The following CAMK4 variants were observed in gnomAD, a reference collection of about 807,000 sequenced individuals.
The protein encoded by CAMK4 is calcium/calmodulin-dependent protein kinase type IV.
A neutral mutation model predicts 44.9 loss-of-function variants in CAMK4; 22 were observed. The ratio of observed to expected loss-of-function variants is 0.49; its 90% CI spans 0.35 to 0.70. The LOEUF is 0.70. Ranked by LOEUF, CAMK4 falls within the 30% of genes least tolerant of loss-of-function variation. The pLI, the probability that CAMK4 is intolerant of heterozygous loss-of-function variation, is 0.01. For synonymous variants in CAMK4, 218 were observed against 215.4 expected (o/e 1.01, Z -0.11); for missense variants, 498 against 586.8 (o/e 0.85, Z 1.56).
intron 2 of CAMK4, among the ~76,000 whole-genome samples, chr5:111,360,053 C>CA (rs547881609): frequency 6.4e-4 from 98 of 152,012 alleles, no homozygotes; most frequent in Non-Finnish European, 1.1e-3. Context: ...CTTACATCTG[C>CA]AAAAAAATGT....
chr5:111,429,777 CAAAA>C (rs70973607), intron 5 of CAMK4, among the ~76,000 whole-genome samples: 208 of 26,268 alleles, frequency 7.9e-3, no homozygotes, highest in South Asian at 0.026. Flanking sequence ...GACCTCATCT[CAAAA>C]AAAAAAAAAA....
At chr5:111,345,569 G>A (rs1749830977) in intron 2 of CAMK4, among the ~76,000 whole-genome samples, 1 of 151,926 alleles carries the variant, frequency 6.6e-6, no homozygotes, top group Admixed American at 6.6e-5. Flanking sequence ...TTAAAAAACT[G>A]TCAGTAAAAT....
chr5:111,477,686 A>G (rs540117479), intron 8 of CAMK4, among the ~76,000 whole-genome samples: 2 of 152,324 alleles, frequency 1.3e-5, no homozygotes, highest in African/African-American at 4.8e-5. Flanking sequence ...AAAATGATAC[A>G]AAGAATGAGG....
chr5:111,236,224 T>C lies in CAMK4; in HGVS notation c.161+11580T>C, dbSNP rs191250064. Reference sequence around the variant, plus strand: ...GGAGATAATGACTCCCACTTGTGTATTGATAGGATAAATACCTTACTTAGT... The same window carrying C: ...GGAGATAATGACTCCCACTTGTGTACTGATAGGATAAATACCTTACTTAGT... On this transcript the variant is annotated intron_variant, in intron 1 of 10. Transcript: ENST00000282356. 3.1e-3 allele frequency among the ~76,000 whole-genome samples: 468 copies of C among 152,348 alleles called. 2 individuals are homozygous for C. The highest frequency in any genetic ancestry group is 0.011 in the African/African-American group (452 of 41,580).
chr5:111,266,648 A>G (rs1750258341), intron 1 of CAMK4, among the ~76,000 whole-genome samples: 1 of 152,202 alleles, frequency 6.6e-6, no homozygotes, highest in African/African-American at 2.4e-5. Context: ...ATAGACATGC[A>G]TACCCCAGAT....
intron 5 of CAMK4, among the ~76,000 whole-genome samples, chr5:111,428,371 T>C (rs1160986130): frequency 6.6e-6 from 1 of 152,146 alleles, no homozygotes; most frequent in Non-Finnish European, 1.5e-5. Flanking sequence ...AAACATGATC[T>C]TACCAAATGA....
intron 2 of CAMK4, among the ~76,000 whole-genome samples, chr5:111,366,675 C>A (rs1475435122): frequency 2.0e-5 from 3 of 152,104 alleles, no homozygotes; most frequent in Admixed American, 2.0e-4. Flanking sequence ...TCATCAATCC[C>A]ATTCCAGTGA....
intron 1 of CAMK4, among the ~76,000 whole-genome samples, chr5:111,332,849 A>C (rs1169722257): frequency 6.6e-6 from 1 of 151,644 alleles, no homozygotes; most frequent in Non-Finnish European, 1.5e-5. Context: ...GGAAAAACTT[A>C]GAAGAAAGAA....
intron 1 of CAMK4, among the ~76,000 whole-genome samples, chr5:111,339,707 G>A (rs1262030546): frequency 6.6e-6 from 1 of 151,094 alleles, no homozygotes; most frequent in Non-Finnish European, 1.5e-5. Context: ...TTGACTATTT[G>A]GGGTCTTTTG....
chr5:111,224,045 G>A (rs548182463), upstream of CAMK4: 140 of 161,758 alleles, frequency 8.7e-4, no homozygotes, highest in African/African-American at 3.2e-3. This position sits in a 1 kb window ranked among gnomAD's most constrained non-coding sequence, Gnocchi z 5.7. Context: ...GTCCCCGCGG[G>A]AGGGCGCGTG....
rs561502703 is a variant in CAMK4 at position 111,229,208 on chromosome 5, G to A, written c.161+4564G>A. On this transcript the variant is annotated intron_variant, in intron 1 of 10. Transcript: ENST00000282356. ...TAAATATGCATTTCTCACAGCTCTG[G>A]AGGCTAGGAAGTCCAAGATCAGGGT... Among the ~76,000 whole-genome samples the A allele has an allele frequency of 2.0e-4, 30 of 152,274 alleles. 1 individual carries two copies. The South Asian group carries it at 4.6e-3, about 23-fold the overall frequency.
intron 5 of CAMK4, among the ~76,000 whole-genome samples, chr5:111,436,297 A>G (rs1753643534): frequency 1.3e-5 from 2 of 152,192 alleles, no homozygotes; most frequent in Non-Finnish European, 2.9e-5. Context: ...ATAAATTTCT[A>G]ATCCAATGAA....
chr5:111,396,802 G>A (rs1403941842), intron 5 of CAMK4, among the ~76,000 whole-genome samples: 1 of 151,590 alleles, frequency 6.6e-6, no homozygotes. Context: ...TACCACGCCT[G>A]GCTAATTTTT....
intron 4 of CAMK4, among the ~76,000 whole-genome samples, chr5:111,383,639 G>A (rs1042949352): frequency 3.4e-5 from 3 of 89,340 alleles, no homozygotes; most frequent in Non-Finnish European, 7.0e-5. Flanking sequence ...TTTTTTTTTT[G>A]TATTTTTAGT....
intron 5 of CAMK4, among the ~76,000 whole-genome samples, chr5:111,437,211 G>T (rs562085618): frequency 2.0e-5 from 3 of 152,308 alleles, no homozygotes; most frequent in African/African-American, 7.2e-5. Flanking sequence ...AAGTGGCATT[G>T]CTGTGGACAT....
In CAMK4 at chr5:111,345,854, C is replaced by T. The variant is rs546475261; in HGVS notation, c.240+1752C>T. ...TCTTCTCGCTGTTGTGAAAACATCTCCCTCAGAAGACAGGCAGGAAGAGCA... is the reference window on the plus strand; with the variant it reads ...TCTTCTCGCTGTTGTGAAAACATCTTCCTCAGAAGACAGGCAGGAAGAGCA... On this transcript the variant is annotated intron_variant, in intron 2 of 10. Transcript: ENST00000282356. Among the ~76,000 whole-genome samples, 7 of 151,900 alleles carry T rather than the reference C, an allele frequency of 4.6e-5. No homozygotes were observed. The South Asian group carries it at 1.0e-3, about 23-fold the overall frequency.
chr5:111,379,803 T>A (rs893545814), intron 4 of CAMK4, among the ~76,000 whole-genome samples: 1 of 152,104 alleles, frequency 6.6e-6, no homozygotes, highest in Non-Finnish European at 1.5e-5. Flanking sequence ...TCAAAAAGGT[T>A]GTATTTAATT....
chr5:111,473,687 C>G (rs1280630074), intron 8 of CAMK4, among the ~76,000 whole-genome samples: 1 of 152,126 alleles, frequency 6.6e-6, no homozygotes, highest in Non-Finnish European at 1.5e-5. Flanking sequence ...GAGCCCAAGA[C>G]CAGCTGTGTA....
At chr5:111,388,414 C>T (rs949999143) in intron 4 of CAMK4, among the ~76,000 whole-genome samples, 2 of 152,176 alleles carry the variant, frequency 1.3e-5, no homozygotes, top group Admixed American at 6.5e-5. Flanking sequence ...AAGTACCTGG[C>T]TCACATTAGA....
Sources: gnomAD v4.1 joint callset for allele counts (sites outside exome capture counted in the v4.1 genomes callset) on GRCh38, gnomAD v4.1.1 for gene constraint, Gnocchi (gnomAD v3.1) non-coding constraint, MANE v1.5 for transcripts, NCBI Gene and HGNC (gene_info 2026-07-23, HGNC 2026-07-21) for gene names.